CHCHD6: variants seen among roughly 807,000 people sequenced by gnomAD.
CHCHD6 encodes MICOS complex subunit MIC25.
Under a neutral mutation model 32.3 loss-of-function variants are expected in CHCHD6, and 28 were observed. The ratio of observed to expected loss-of-function variants is 0.87; its 90% CI spans 0.64 to 1.19. CHCHD6 has a LOEUF of 1.19. CHCHD6 is among the 50% of genes most tolerant of loss of function. The pLI, the probability that CHCHD6 is intolerant of heterozygous loss-of-function variation, is 0.00. For missense variants in CHCHD6, 333 were observed against 307.0 expected (o/e 1.08, Z -0.63); for synonymous variants, 122 against 117.5 (o/e 1.04, Z -0.25).
intron 6 of CHCHD6, among the ~76,000 whole-genome samples, chr3:126,917,344 T>A (rs998537943): frequency 6.6e-6 from 1 of 152,210 alleles, no homozygotes; most frequent in Non-Finnish European, 1.5e-5. Flanking sequence ...GGGCTGGGGT[T>A]GCTCTTCCTT....
chr3:126,953,147 A>C (rs2078739016), intron 6 of CHCHD6: 2 of 985,336 alleles, frequency 2.0e-6, no homozygotes, highest in Admixed American at 1.2e-4. Context: ...TGCACCGACC[A>C]CACAGTGGAA....
At position 126,812,935 on chromosome 3, in the gene CHCHD6, G is replaced by T. The variant is rs372490340; in HGVS notation, c.412-39712G>T. Among the ~76,000 whole-genome samples the T allele has an allele frequency of 3.3e-5, 5 of 152,140 alleles. No individual in the cohort carries two copies. The East Asian group carries it at 7.7e-4, about 24-fold the overall frequency. ...ACCCCAGGAATTCTAGGCTGTCTTGGAACCTACCATGATTATGTGTATATA... is the reference window on the plus strand; with the variant it reads ...ACCCCAGGAATTCTAGGCTGTCTTGTAACCTACCATGATTATGTGTATATA... On this transcript the variant is annotated intron_variant, in intron 4 of 7. Coordinates refer to ENST00000290913, the MANE Select transcript of CHCHD6 (RefSeq NM_032343.3).
In CHCHD6 at chr3:126,722,955, G is replaced by A. The variant is rs113704293; in HGVS notation, c.88-4123G>A. On this transcript the variant is annotated intron_variant, in intron 1 of 7. Coordinates refer to ENST00000290913, the MANE Select transcript of CHCHD6 (RefSeq NM_032343.3). Reference sequence around the variant, plus strand: ...TTTTAGCTCTTAATGTTTAGGTCTCGGATCTGTTTTGTATTAATTCTTGTA... The same window carrying A: ...TTTTAGCTCTTAATGTTTAGGTCTCAGATCTGTTTTGTATTAATTCTTGTA... 3.9e-5 allele frequency among the ~76,000 whole-genome samples: 6 copies of A among 152,146 alleles called. 1 individual carries two copies. The highest frequency in any genetic ancestry group is 6.8e-3 in the Middle Eastern group (2 of 294).
rs773271241 is a variant in CHCHD6 at position 126,914,706 on chromosome 3, A to G, written c.522A>G (p.Ser174=). 4 of 1,597,602 alleles carry G rather than the reference A, an allele frequency of 2.5e-6. No homozygotes were observed. The highest frequency in any genetic ancestry group is 2.2e-5 in the East Asian group (1 of 44,824). ...ATGCTGAGATGTATAAACTGTCTTCAGAGCAATTCCATGAGGCAGCCTCAA... is the reference window on the plus strand; with the variant it reads ...ATGCTGAGATGTATAAACTGTCTTCGGAGCAATTCCATGAGGCAGCCTCAA... ...RKNAEMYKLS[S]EQFHEAASKM... is the part of the protein sequence containing the mutation. The change falls in exon 6 of 8, where the codon TCA becomes TCG. Residue 174 remains serine (S), a synonymous_variant. Transcript: ENST00000290913.
intron 2 of CHCHD6, among the ~76,000 whole-genome samples, chr3:126,727,657 C>T (rs1338141828): frequency 6.6e-6 from 1 of 152,176 alleles, no homozygotes; most frequent in Non-Finnish European, 1.5e-5. Flanking sequence ...CCTGTCCTGG[C>T]CCTTGGAATG....
chr3:126,892,707 G>A (rs1012628839), intron 5 of CHCHD6, among the ~76,000 whole-genome samples: 4 of 152,148 alleles, frequency 2.6e-5, no homozygotes, highest in Non-Finnish European at 5.9e-5. Context: ...TGAGACATGA[G>A]TTTAGAAACT....
chr3:126,767,327 A>G, intron 4 of CHCHD6: 2 of 981,346 alleles, frequency 2.0e-6, no homozygotes, highest in African/African-American at 1.6e-5. Flanking sequence ...GCCCATTTCC[A>G]TCAAGGCCAA....
At chr3:126,835,934 T>C (rs943511699) in intron 4 of CHCHD6, among the ~76,000 whole-genome samples, 1 of 152,212 alleles carries the variant, frequency 6.6e-6, no homozygotes, top group Non-Finnish European at 1.5e-5. Context: ...TTGCCACCTT[T>C]CCGTAGCTAC....
At chr3:126,936,222 A>G (rs1041274780) in intron 6 of CHCHD6, among the ~76,000 whole-genome samples, 1 of 152,184 alleles carries the variant, frequency 6.6e-6, no homozygotes, top group Non-Finnish European at 1.5e-5. Flanking sequence ...AAGTGGCTCA[A>G]CTGTGCTGAC....
chr3:126,752,713 C>G (rs966935835), intron 4 of CHCHD6, among the ~76,000 whole-genome samples: 1 of 152,174 alleles, frequency 6.6e-6, no homozygotes, highest in Non-Finnish European at 1.5e-5. Flanking sequence ...CTTAGCATCC[C>G]GTTCGTTCTC....
chr3:126,878,819 A>G (rs1200795241), intron 5 of CHCHD6, among the ~76,000 whole-genome samples: 1 of 152,258 alleles, frequency 6.6e-6, no homozygotes. Flanking sequence ...CTATGCCTGC[A>G]TCACCAGCCA....
intron 4 of CHCHD6, among the ~76,000 whole-genome samples, chr3:126,852,358 G>A (rs1207676455): frequency 6.6e-6 from 1 of 152,178 alleles, no homozygotes. Context: ...CTTTAGAAGT[G>A]TGGTAAGGAT....
chr3:126,893,998 T>G (rs2077802437), intron 5 of CHCHD6, among the ~76,000 whole-genome samples: 1 of 152,164 alleles, frequency 6.6e-6, no homozygotes, highest in South Asian at 2.1e-4. Flanking sequence ...CAAACACACC[T>G]CCAGGGCTCT....
intron 5 of CHCHD6, among the ~76,000 whole-genome samples, chr3:126,897,278 A>G (rs1034721113): frequency 2.6e-5 from 4 of 152,198 alleles, no homozygotes; most frequent in African/African-American, 9.7e-5. Flanking sequence ...TCTAAGTACT[A>G]TGACCATGGA....
intron 6 of CHCHD6, among the ~76,000 whole-genome samples, chr3:126,956,742 C>T (rs919358223): frequency 2.0e-5 from 3 of 152,254 alleles, no homozygotes; most frequent in East Asian, 3.9e-4. Flanking sequence ...AGTGAACTTA[C>T]TCACTTTTGT....
intron 4 of CHCHD6, among the ~76,000 whole-genome samples, chr3:126,779,717 A>G (rs1365276299): frequency 1.3e-5 from 2 of 152,138 alleles, no homozygotes; most frequent in Admixed American, 6.5e-5. Context: ...GTCTTTCCCC[A>G]TTGAGTTGTC....
At chr3:126,802,065 C>T (rs1939105885) in intron 4 of CHCHD6, among the ~76,000 whole-genome samples, 1 of 152,176 alleles carries the variant, frequency 6.6e-6, no homozygotes, top group South Asian at 2.1e-4. Flanking sequence ...CGCATCTGTA[C>T]ATCACCATCA....
chr3:126,763,938 G>A (rs1351312408), intron 4 of CHCHD6, among the ~76,000 whole-genome samples: 1 of 152,010 alleles, frequency 6.6e-6, no homozygotes, highest in Non-Finnish European at 1.5e-5. Context: ...GAAATTGTAT[G>A]CTTTACAATG....
intron 4 of CHCHD6, among the ~76,000 whole-genome samples, chr3:126,846,626 A>G (rs1244931924): frequency 1.3e-5 from 2 of 152,240 alleles, no homozygotes; most frequent in African/African-American, 4.8e-5. Context: ...ATCATGAACA[A>G]TGGAGGCAAG....
Sources: gnomAD v4.1 joint callset for allele counts (sites outside exome capture counted in the v4.1 genomes callset) on GRCh38, gnomAD v4.1.1 for gene constraint, MANE v1.5 for transcripts, NCBI Gene and HGNC (gene_info 2026-07-23, HGNC 2026-07-21) for gene names.